The following FGGY variants were observed in gnomAD, a reference collection of about 807,000 sequenced individuals.
FGGY encodes FGGY carbohydrate kinase domain-containing protein.
Under a neutral mutation model 71.3 loss-of-function variants are expected in FGGY, and 72 were observed. The observed-to-expected ratio is 1.01, with a 90% CI of 0.84 to 1.23. The LOEUF is 1.23. FGGY is among the 50% of genes most tolerant of loss of function. The pLI is 0.00. For missense variants in FGGY, 668 were observed against 682.3 expected, an observed-to-expected ratio of 0.98 and a Z score of 0.23; for synonymous variants, 251 against 250.3, an observed-to-expected ratio of 1.00 and a Z score of -0.02.
chr1:59,685,452 T>C (rs930257942), intron 14 of FGGY, among the ~76,000 whole-genome samples: 1 of 151,940 alleles, frequency 6.6e-6, no homozygotes, highest in Non-Finnish European at 1.5e-5. Context: ...TTAAGAAAGC[T>C]TACAATAAGT....
At chr1:59,632,914 G>A (rs2153872762) in intron 10 of FGGY, among the ~76,000 whole-genome samples, 1 of 151,798 alleles carries the variant, frequency 6.6e-6, no homozygotes, top group South Asian at 2.1e-4. Context: ...ATTCCCCCAT[G>A]GTATACAAAG....
intron 5 of FGGY, among the ~76,000 whole-genome samples, chr1:59,409,861 A>G (rs1270281000): frequency 2.0e-5 from 3 of 152,194 alleles, no homozygotes; most frequent in African/African-American, 7.2e-5. Flanking sequence ...TTTATGCAAT[A>G]TGCATCTATG....
intron 12 of FGGY, 81 bp downstream of exon 12, chr1:59,660,374 C>T (rs2097263427): frequency 1.0e-6 from 1 of 999,602 alleles, no homozygotes; most frequent in Non-Finnish European, 1.5e-6. Flanking sequence ...AGATACAGCA[C>T]ATGCTTTTGT....
chr1:59,408,906 G>A (rs1198158675), intron 5 of FGGY, among the ~76,000 whole-genome samples: 2 of 152,114 alleles, frequency 1.3e-5, no homozygotes, highest in Non-Finnish European at 2.9e-5. Context: ...GCTTTCTTGG[G>A]TTCGCGAACT....
chr1:59,751,996 A>G (rs567067703), intron 14 of FGGY, among the ~76,000 whole-genome samples: 4 of 152,228 alleles, frequency 2.6e-5, no homozygotes, highest in African/African-American at 9.6e-5. Context: ...CCATAGGGCC[A>G]TCCCTGGAGT....
At chr1:59,496,264 A>G (rs1472731540) in intron 6 of FGGY, among the ~76,000 whole-genome samples, 1 of 152,150 alleles carries the variant, frequency 6.6e-6, no homozygotes, top group Non-Finnish European at 1.5e-5. Flanking sequence ...TAGCAAAGAC[A>G]TGAAATCAAC....
chr1:59,326,711 G>C (rs1185848779), intron 2 of FGGY, among the ~76,000 whole-genome samples: 1 of 151,718 alleles, frequency 6.6e-6, no homozygotes. Flanking sequence ...CTCTATTCTT[G>C]CATTTGAAGT....
intron 14 of FGGY, among the ~76,000 whole-genome samples, chr1:59,678,545 A>G (rs1389665738): frequency 6.6e-6 from 1 of 152,232 alleles, no homozygotes; most frequent in Non-Finnish European, 1.5e-5. Context: ...AAATAAAACA[A>G]GAAGCAGTTT....
chr1:59,699,399 T>C (rs1474974169), intron 14 of FGGY: 2 of 985,308 alleles, frequency 2.0e-6, no homozygotes, highest in Non-Finnish European at 2.4e-6. Flanking sequence ...TTTTTGACGG[T>C]TCAGGCTTCT....
chr1:59,543,353 G>C lies in FGGY; in HGVS notation c.800-10771G>C, dbSNP rs926211754. ...TTTCTAGTCTCCTGGGAGTAGTGGT[G>C]GCAGGCGAGGGATAGAATCAACATC... On this transcript the variant is annotated intron_variant, in intron 7 of 15. Coordinates refer to ENST00000303721, the MANE Select transcript of FGGY (RefSeq NM_018291.5). Among the ~76,000 whole-genome samples, 25 of 152,192 alleles carry C rather than the reference G, an allele frequency of 1.6e-4. 1 individual carries two copies. Among genetic ancestry groups the C allele is most frequent in the African/African-American group, 5.8e-4 (24 of 41,508 alleles).
At chr1:59,538,108 G>A (rs1198007954) in intron 7 of FGGY, among the ~76,000 whole-genome samples, 1 of 151,998 alleles carries the variant, frequency 6.6e-6, no homozygotes, top group Non-Finnish European at 1.5e-5. Context: ...TCTGACAAAG[G>A]GCTAATATCC....
chr1:59,461,184 A>T (rs1272497688), intron 6 of FGGY, among the ~76,000 whole-genome samples: 1 of 152,236 alleles, frequency 6.6e-6, no homozygotes, highest in Non-Finnish European at 1.5e-5. Context: ...AAAAGATTAG[A>T]TGAATAGCTA....
intron 6 of FGGY, among the ~76,000 whole-genome samples, chr1:59,498,752 A>C (rs1196538163): frequency 6.6e-6 from 1 of 152,168 alleles, no homozygotes; most frequent in African/African-American, 2.4e-5. Flanking sequence ...ATAGAACTTT[A>C]AGTGTCATTA....
At chr1:59,474,228 TG>T (rs143758477) in intron 6 of FGGY, 18 of 152,316 alleles carry the variant, frequency 1.2e-4, no homozygotes, top group African/African-American at 4.3e-4. Context: ...GGTTTTGCTG[TG>T]GAAATGTTCC....
intron 6 of FGGY, among the ~76,000 whole-genome samples, chr1:59,472,679 G>T (rs569076071): frequency 6.6e-6 from 1 of 152,190 alleles, no homozygotes; most frequent in Non-Finnish European, 1.5e-5. Flanking sequence ...CAGGGTTTGC[G>T]AATGCACCAG....
intron 6 of FGGY, among the ~76,000 whole-genome samples, chr1:59,470,654 A>G (rs532994738): frequency 3.7e-4 from 56 of 152,368 alleles, no homozygotes; most frequent in African/African-American, 1.3e-3. Flanking sequence ...TAAACAAACC[A>G]TAGAGGTTTC....
intron 14 of FGGY, among the ~76,000 whole-genome samples, chr1:59,691,598 C>T (rs1252624298): frequency 1.3e-5 from 2 of 151,628 alleles, no homozygotes; most frequent in East Asian, 3.9e-4. Flanking sequence ...AGCTGGCCCT[C>T]AGAAAAGCCT....
chr1:59,413,151 G>A (rs1472669852), intron 5 of FGGY, among the ~76,000 whole-genome samples: 2 of 152,096 alleles, frequency 1.3e-5, no homozygotes, highest in Non-Finnish European at 2.9e-5. Flanking sequence ...CCACCCCCAG[G>A]GACATTTTAA....
At chr1:59,526,066 ATG>A (rs1164446175) in intron 7 of FGGY, among the ~76,000 whole-genome samples, 2 of 151,942 alleles carry the variant, frequency 1.3e-5, no homozygotes, top group Non-Finnish European at 2.9e-5. Context: ...GTGTACATTT[ATG>A]TGTGTGTCTG....
Sources: allele counts gnomAD v4.1 joint callset (sites outside exome capture counted in the v4.1 genomes callset), GRCh38; gene constraint gnomAD v4.1.1; transcripts MANE v1.5; gene names NCBI Gene and HGNC (gene_info 2026-07-23, HGNC 2026-07-21).